TG: variants seen among roughly 807,000 people sequenced by gnomAD.
TG encodes thyroglobulin, also known as thyroid hormones.
A neutral mutation model predicts 324.7 loss-of-function variants in TG; 270 were observed. The observed-to-expected ratio is 0.83, with a 90% CI of 0.75 to 0.92. TG has a LOEUF of 0.92. Ranked by LOEUF, TG falls within the 40% of genes least tolerant of loss-of-function variation. The pLI is 0.00. For missense variants in TG, 3,591 were observed against 3,456.4 expected, an observed-to-expected ratio of 1.04 and a Z score of -0.98; for synonymous variants, 1,401 against 1,327.0, an observed-to-expected ratio of 1.06 and a Z score of -1.21.
intron 40 of TG, among the ~76,000 whole-genome samples, chr8:133,028,370 A>G (rs905829895): frequency 6.6e-6 from 1 of 152,222 alleles, no homozygotes; most frequent in Non-Finnish European, 1.5e-5. Flanking sequence ...CACAAAATGC[A>G]TTTGAAGAAC....
At chr8:132,973,146 T>G (rs1829758174) in intron 34 of TG, among the ~76,000 whole-genome samples, 1 of 152,182 alleles carries the variant, frequency 6.6e-6, no homozygotes, top group South Asian at 2.1e-4. Flanking sequence ...TGGGACAGCT[T>G]GACGGTCCTA....
chr8:133,126,682 T>C (rs1851545559), intron 45 of TG, among the ~76,000 whole-genome samples: 1 of 152,084 alleles, frequency 6.6e-6, no homozygotes, highest in South Asian at 2.1e-4. Context: ...AAATAATTAC[T>C]TCCTGATTAA....
chr8:133,059,131 C>G, intron 41 of TG: 1 of 456,282 alleles, frequency 2.2e-6, no homozygotes, highest in Middle Eastern at 3.3e-4. Context: ...CAGCCATCTG[C>G]GCCAGTGAAC....
At chr8:133,131,755 T>A in intron 45 of TG, 57 bp from the exon 46 acceptor site, 1 of 1,607,650 alleles carries the variant, frequency 6.2e-7, no homozygotes, top group Non-Finnish European at 8.5e-7. Flanking sequence ...TGTTTGTGTT[T>A]TTGAGTAGTT....
chr8:132,950,436 C>T (rs1370305146), intron 27 of TG, among the ~76,000 whole-genome samples: 1 of 152,180 alleles, frequency 6.6e-6, no homozygotes, highest in East Asian at 1.9e-4. Flanking sequence ...CTCCTGCCTC[C>T]CAGGGAAGCT....
At chr8:132,878,588 G>C (rs1330953035) in intron 5 of TG, among the ~76,000 whole-genome samples, 1 of 146,528 alleles carries the variant, frequency 6.8e-6, no homozygotes, top group Non-Finnish European at 1.5e-5. Context: ...CCAGCCTGGT[G>C]ACAGAGCGAG....
intron 41 of TG, chr8:133,060,212 G>A (rs1248230718): frequency 1.2e-6 from 2 of 1,613,254 alleles, no homozygotes; most frequent in East Asian, 4.5e-5. Context: ...TGTGGTATAG[G>A]AGACAGACGG....
intron 26 of TG, among the ~76,000 whole-genome samples, chr8:132,943,021 G>A (rs1447228144): frequency 6.6e-6 from 1 of 152,186 alleles, no homozygotes; most frequent in Non-Finnish European, 1.5e-5. Context: ...TCCAGCATCT[G>A]CACAATATCC....
At chr8:133,030,989 G>A (rs1258569900) in intron 41 of TG, among the ~76,000 whole-genome samples, 1 of 152,186 alleles carries the variant, frequency 6.6e-6, no homozygotes, top group East Asian at 1.9e-4. Context: ...TTGTTTGCTT[G>A]TTTGTTTTGT....
In TG at chr8:132,901,431, C is replaced by T. The variant is rs1180676074; in HGVS notation, c.3512C>T (p.Ala1171Val). 6.2e-7 allele frequency: 1 copy of T among 1,614,244 alleles called. No homozygotes were observed. Among genetic ancestry groups the T allele is most frequent in the Admixed American group, 1.7e-5 (1 of 60,038 alleles). Residue 1171 changes from alanine (A) to valine (V), a missense_variant, in exon 16 of 48, where the codon GCA becomes GTA. Coordinates refer to ENST00000220616, the MANE Select transcript of TG (RefSeq NM_003235.5). ...VSPGYVPACR[A>V]EDGGFSPVQC... is the part of the protein sequence containing the mutation. ...CCAGGCTATGTCCCAGCCTGCAGGG[C>T]AGAGGATGGGGGCTTTTCCCCAGTG...
chr8:132,966,477 T>TGG, intron 29 of TG, 83 bp from the exon 30 acceptor site: 1 of 1,445,720 alleles, frequency 6.9e-7, no homozygotes, highest in Non-Finnish European at 9.7e-7. Flanking sequence ...TGTGTGTGTG[T>TGG]GTGTGTGTGT....
rs1380451533 is a variant in TG at position 132,906,783 on chromosome 8, C to A, written c.3730C>A (p.Gln1244Lys). The change falls in exon 17 of 48, where the codon CAG becomes AAG. Residue 1244 changes from glutamine to lysine, a missense_variant. By Grantham distance (53) the Gln-to-Lys change is moderately conservative (BLOSUM62 1). Coordinates refer to ENST00000220616, the MANE Select transcript of TG (RefSeq NM_003235.5). ...GGGCCCCACAGGCTCTGCCATGCAGCAGTGCCAATTGCTGTGCCGCCAGGG... is the reference window on the plus strand; with the variant it reads ...GGGCCCCACAGGCTCTGCCATGCAGAAGTGCCAATTGCTGTGCCGCCAGGG... ...ISGPTGSAMQ[Q>K]CQLLCRQGSW... is the part of the protein sequence containing the mutation. The A allele has an allele frequency of 3.7e-6, 6 of 1,614,232 alleles. No individual in the cohort carries two copies. The highest frequency in any genetic ancestry group is 5.1e-6 in the Non-Finnish European group (6 of 1,180,046).
chr8:133,054,544 G>A (rs943379983), intron 41 of TG, among the ~76,000 whole-genome samples: 8 of 152,224 alleles, frequency 5.3e-5, no homozygotes, highest in African/African-American at 1.9e-4. Context: ...TTTAGGGCCT[G>A]CCTTAGTAAG....
Position 132,913,035 on chromosome 8 carries a change from T to C in TG, c.4160-12T>C. The C allele has an allele frequency of 1.9e-6, 3 of 1,613,778 alleles. No homozygotes were observed. The highest frequency in any genetic ancestry group is 1.6e-4 in the Middle Eastern group (1 of 6,062). On this transcript the variant is annotated splice_polypyrimidine_tract_variant and intron_variant, in intron 19 of 47. Coordinates refer to ENST00000220616, the MANE Select transcript of TG (RefSeq NM_003235.5). The stretch of plus-strand genomic sequence containing the variant: ...AGTGGGGGTGACCTCTACCTTATCC[T>C]GTGTCTTACAGAGAGAGCCTTGGTG...
intron 23 of TG, among the ~76,000 whole-genome samples, chr8:132,931,978 C>T (rs757363684): frequency 4.6e-5 from 7 of 152,082 alleles, no homozygotes; most frequent in Non-Finnish European, 7.4e-5. Flanking sequence ...CCTGTAATCC[C>T]AGCTACTTGA....
chr8:132,973,511 T>G (rs1041610900), intron 34 of TG, among the ~76,000 whole-genome samples: 1 of 151,388 alleles, frequency 6.6e-6, no homozygotes, highest in African/African-American at 2.5e-5. Flanking sequence ...TGGACTCAGA[T>G]AAGGAGACAT....
chr8:132,988,447 AAGTGCATTGGAT>A (rs1769653739), intron 35 of TG, among the ~76,000 whole-genome samples: 1 of 98,250 alleles, frequency 1.0e-5, no homozygotes, highest in Non-Finnish European at 2.2e-5. Flanking sequence ...CCAAAGCGTA[AAGTGCATTGGAT>A]ACTGCAGATC....
chr8:132,868,276 A>G, intron 2 of TG, 53 bp downstream of exon 2: 5 of 1,519,182 alleles, frequency 3.3e-6, no homozygotes, highest in Non-Finnish European at 3.6e-6. Flanking sequence ...CATAAAAAGC[A>G]TCTTGTGCCT....
rs115263108 is a variant in TG at position 132,933,022 on chromosome 8, G to A, written c.4817-539G>A. On this transcript the variant is annotated intron_variant, in intron 23 of 47. Transcript: ENST00000220616. ...GCCACTTGGTAGCTTTGTGACCTCC[G>A]TGAGTAAGTGCCTGAACGGAGCTGT... 3.6e-3 allele frequency among the ~76,000 whole-genome samples: 550 copies of A among 152,296 alleles called. 5 individuals are homozygous for A. Among genetic ancestry groups the A allele is most frequent in the African/African-American group, 0.013 (526 of 41,574 alleles).
Sources: gnomAD v4.1 joint callset for allele counts (sites outside exome capture counted in the v4.1 genomes callset) on GRCh38, gnomAD v4.1.1 for gene constraint, MANE v1.5 for transcripts, NCBI Gene and HGNC (gene_info 2026-07-23, HGNC 2026-07-21) for gene names.